The following EEIG2 variants were observed in gnomAD, a reference collection of about 807,000 sequenced individuals.
EEIG2 encodes family with sequence similarity 102 member B.
the EEIG2 span, among the ~76,000 whole-genome samples, chr1:108,618,962 C>A: frequency 1.3e-5 from 2 of 152,070 alleles, no homozygotes. Flanking sequence ...TGGGATTAAA[C>A]CAATTTTGCT....
the EEIG2 span, among the ~76,000 whole-genome samples, chr1:108,579,766 T>TGAGAGAGAGAGAGAGAGAGAGAGA: frequency 6.8e-5 from 1 of 14,784 alleles, no homozygotes; most frequent in Non-Finnish European, 2.0e-4. Context: ...TGTGTGTGTG[T>TGAGAGAGAGAGAGAGAGAGAGAGA]GTGTGTGAGA....
chr1:108,602,887 A>C, the EEIG2 span, among the ~76,000 whole-genome samples: 1 of 151,776 alleles, frequency 6.6e-6, no homozygotes, highest in Non-Finnish European at 1.5e-5. Flanking sequence ...AAAAAAAAGA[A>C]GACCTTACTT....
At chr1:108,565,330 CTA>C in the EEIG2 span, among the ~76,000 whole-genome samples, 1 of 152,174 alleles carries the variant, frequency 6.6e-6, no homozygotes, top group African/African-American at 2.4e-5. Flanking sequence ...CGTGCTTAGA[CTA>C]TGTCGTATAG....
the EEIG2 span, among the ~76,000 whole-genome samples, chr1:108,623,427 G>A: frequency 6.6e-6 from 1 of 152,046 alleles, no homozygotes; most frequent in African/African-American, 2.4e-5. Flanking sequence ...CTGGAGAAGT[G>A]GAGGCTGCAG....
chr1:108,627,248 CTG>C, the EEIG2 span: 1 of 152,226 alleles, frequency 6.6e-6, no homozygotes, highest in South Asian at 2.1e-4. Flanking sequence ...CACTTATACT[CTG>C]TCCAGAAATG....
chr1:108,582,864 G>A, the EEIG2 span, among the ~76,000 whole-genome samples: 1 of 151,240 alleles, frequency 6.6e-6, no homozygotes, highest in South Asian at 2.1e-4. Flanking sequence ...CATATTTGGG[G>A]GATGCAGTGA....
At chr1:108,573,624 A>G in the EEIG2 span, among the ~76,000 whole-genome samples, 1 of 152,218 alleles carries the variant, frequency 6.6e-6, no homozygotes, top group African/African-American at 2.4e-5. Flanking sequence ...TGCAAGTCAT[A>G]TATTTCATAA....
chr1:108,580,633 T>G, the EEIG2 span, among the ~76,000 whole-genome samples: 2 of 152,116 alleles, frequency 1.3e-5, no homozygotes, highest in Non-Finnish European at 2.9e-5. Flanking sequence ...GGAGAAAATC[T>G]TAGTGGTTGG....
At chr1:108,573,603 G>A in the EEIG2 span, among the ~76,000 whole-genome samples, 1 of 152,248 alleles carries the variant, frequency 6.6e-6, no homozygotes, top group Admixed American at 6.5e-5. Flanking sequence ...CATAGAATGG[G>A]AGAAAATATT....
the EEIG2 span, among the ~76,000 whole-genome samples, chr1:108,582,958 G>T: frequency 6.7e-6 from 1 of 148,890 alleles, no homozygotes; most frequent in Admixed American, 6.7e-5. Context: ...TATTCTTTAG[G>T]TAATATGATT....
At chr1:108,567,042 GTTAATTGGCTTGGT>G in the EEIG2 span, among the ~76,000 whole-genome samples, 3 of 152,108 alleles carry the variant, frequency 2.0e-5, no homozygotes, top group Non-Finnish European at 4.4e-5. Flanking sequence ...TGATGGCTAT[GTTAATTGGCTTGGT>G]TTAGCAATTT....
At chr1:108,620,321 AT>A in the EEIG2 span, among the ~76,000 whole-genome samples, 1 of 89,252 alleles carries the variant, frequency 1.1e-5, no homozygotes, top group Admixed American at 1.3e-4. Context: ...AGATTGTATA[AT>A]TCTTCTGAAG....
At chr1:108,629,520 A>T in the EEIG2 span, 2 of 1,069,822 alleles carry the variant, frequency 1.9e-6, no homozygotes, top group Non-Finnish European at 2.8e-6. Flanking sequence ...GAATTATTAC[A>T]ATATCCATAT....
At chr1:108,586,317 GTGTGTGTGTGT>G in the EEIG2 span, among the ~76,000 whole-genome samples, 24 of 856 alleles carry the variant, frequency 0.028, no homozygotes, top group Admixed American at 0.11. Context: ...GCAGAGGGGT[GTGTGTGTGTGT>G]GTGTGTGTGT....
the EEIG2 span, among the ~76,000 whole-genome samples, chr1:108,624,403 A>G: frequency 6.7e-6 from 1 of 149,210 alleles, no homozygotes. Context: ...TTAGGACTCT[A>G]TGGAGACAAT....
At chr1:108,566,280 G>A in the EEIG2 span, among the ~76,000 whole-genome samples, 1 of 151,834 alleles carries the variant, frequency 6.6e-6, no homozygotes, top group South Asian at 2.1e-4. Context: ...ACCAAGCTTG[G>A]TATACATCCA....
At chr1:108,621,883 G>A in the EEIG2 span, among the ~76,000 whole-genome samples, 4 of 151,904 alleles carry the variant, frequency 2.6e-5, no homozygotes, top group East Asian at 1.9e-4. Context: ...CAGCCCGAGC[G>A]TGGTGGCTCA....
chr1:108,603,620 G>A, the EEIG2 span, among the ~76,000 whole-genome samples: 2 of 152,124 alleles, frequency 1.3e-5, no homozygotes, highest in Non-Finnish European at 2.9e-5. Context: ...AGCATACGAA[G>A]AGACATGACT....
At chr1:108,561,863 A>G in the EEIG2 span, among the ~76,000 whole-genome samples, 1 of 152,146 alleles carries the variant, frequency 6.6e-6, no homozygotes, top group Admixed American at 6.5e-5. Context: ...TGAGGCCTAG[A>G]CTGTTTTGCT....
Sources: allele counts gnomAD v4.1 joint callset (sites outside exome capture counted in the v4.1 genomes callset), GRCh38; gene constraint gnomAD v4.1.1; transcripts MANE v1.5; gene names NCBI Gene and HGNC (gene_info 2026-07-23, HGNC 2026-07-21).